Variants in PKHD1 observed in about 807,000 individuals in gnomAD.
PKHD1 encodes fibrocystin.
A neutral mutation model predicts 412.0 loss-of-function variants in PKHD1; 291 were observed. The observed-to-expected ratio is 0.71, with a 90% confidence interval of 0.64 to 0.78. The LOEUF (loss-of-function observed/expected upper bound fraction) is 0.78, where lower values mean the gene tolerates loss of function less well. Among genes scored for constraint, PKHD1 ranks in the 30% least tolerant of loss-of-function variants. PKHD1 has a pLI of 0.00. For missense variants in PKHD1, 4,825 were observed against 4,950.7 expected, an observed-to-expected ratio of 0.97 and a Z score of 0.76; for synonymous variants, 1,777 against 1,821.5, an observed-to-expected ratio of 0.98 and a Z score of 0.62.
At chr6:52,070,044 C>A (rs1810366757) in intron 10 of PKHD1, among the ~76,000 whole-genome samples, 1 of 152,086 alleles carries the variant, frequency 6.6e-6, no homozygotes, top group Non-Finnish European at 1.5e-5. Context: ...AATGTGGACC[C>A]CTTCCATTTT....
At chr6:52,002,322 T>G (rs1180894466) in intron 35 of PKHD1, among the ~76,000 whole-genome samples, 6 of 152,198 alleles carry the variant, frequency 3.9e-5, no homozygotes, top group African/African-American at 1.4e-4. Flanking sequence ...ACAGGGACAT[T>G]GCTGGAATTA....
At chr6:52,087,396 A>C (rs1298683525) in intron 1 of PKHD1, 38 bp downstream of exon 1, 1 of 152,200 alleles carries the variant, frequency 6.6e-6, no homozygotes, top group Non-Finnish European at 1.5e-5. Flanking sequence ...CAACACCTAG[A>C]AAACAGAGAG....
chr6:51,918,716 G>A (rs1583363599), intron 37 of PKHD1, among the ~76,000 whole-genome samples: 1 of 152,168 alleles, frequency 6.6e-6, no homozygotes, highest in South Asian at 2.1e-4. Context: ...ACCCAGTAAT[G>A]GGATTGCTGG....
Position 52,055,667 on chromosome 6 carries a change from A to T in PKHD1, c.1756T>A (p.Phe586Ile). 6.3e-7 allele frequency: 1 copy of T among 1,598,316 alleles called. No individual in the cohort carries two copies. Among genetic ancestry groups the T allele is most frequent in the South Asian group, 1.1e-5 (1 of 89,858 alleles). Reference sequence around the variant, plus strand: ...AGGTGTCGAGGCTGACGGAGGCTGAACCTGCCACAGAAGGGCTCCGTCCCA... The same window carrying T: ...AGGTGTCGAGGCTGACGGAGGCTGATCCTGCCACAGAAGGGCTCCGTCCCA... ...TSGTEPFCGR[F>I]SLRQPRHLVL... is the part of the protein sequence containing the mutation. Residue 586 changes from phenylalanine (F) to isoleucine (I), a missense_variant, in exon 19 of 67, where the codon TTC becomes ATC. Phe to Ile is a conservative substitution (Grantham distance 21). Transcript: ENST00000371117.
chr6:51,744,586 C>G (rs368439911), intron 59 of PKHD1, 44 bp from the exon 60 acceptor site: 1 of 1,516,402 alleles, frequency 6.6e-7, no homozygotes, highest in Non-Finnish European at 9.2e-7. Context: ...TCATGATAAG[C>G]AGCAAGAAGA....
chr6:51,776,992 C>T (rs34292854), intron 53 of PKHD1, among the ~76,000 whole-genome samples: 27,993 of 151,886 alleles, frequency 0.18, 3,384 homozygotes, highest in African/African-American at 0.34. Context: ...TACAAAAATA[C>T]TAAAGTTATT....
intron 36 of PKHD1, among the ~76,000 whole-genome samples, chr6:51,936,861 T>G (rs1409084501): frequency 6.6e-6 from 1 of 152,144 alleles, no homozygotes; most frequent in Non-Finnish European, 1.5e-5. Flanking sequence ...TAGCCGGCCC[T>G]GAAAGAAACT....
chr6:51,861,410 T>C (rs1774168967), intron 48 of PKHD1, among the ~76,000 whole-genome samples: 1 of 152,206 alleles, frequency 6.6e-6, no homozygotes, highest in African/African-American at 2.4e-5. Flanking sequence ...TGCTCTTGAT[T>C]TGGAACAGTT....
Position 51,648,021 on chromosome 6 carries a change from C to G in PKHD1, c.11398+10G>C. The G allele has an allele frequency of 6.7e-7, 1 of 1,496,604 alleles. No individual in the cohort carries two copies. The highest frequency in any genetic ancestry group is 9.3e-7 in the Non-Finnish European group (1 of 1,072,626). The allele number at this position is 1,496,604 out of a possible 1,614,324, so 92.7% of individuals were successfully genotyped here. On this transcript the variant is annotated intron_variant, in intron 63 of 66. Transcript: ENST00000371117. Reference sequence around the variant, plus strand: ...AACAGATATCTGAAATTTACAGATACTTTACCTACCTTTTAGCACTGAGTC... The same window carrying G: ...AACAGATATCTGAAATTTACAGATAGTTTACCTACCTTTTAGCACTGAGTC...
chr6:51,680,517 T>C (rs1203898924), intron 60 of PKHD1, among the ~76,000 whole-genome samples: 1 of 152,094 alleles, frequency 6.6e-6, no homozygotes, highest in African/African-American at 2.4e-5. Flanking sequence ...TAAATCTTAG[T>C]CCAGGTATAT....
intron 28 of PKHD1, among the ~76,000 whole-genome samples, chr6:52,034,048 G>C (rs769881411): frequency 4.6e-5 from 7 of 151,984 alleles, no homozygotes; most frequent in Non-Finnish European, 7.4e-5. Flanking sequence ...AGAATCACTT[G>C]AACCCGGGAG....
chr6:51,860,701 A>C (rs1009117548), intron 48 of PKHD1, among the ~76,000 whole-genome samples: 6 of 152,166 alleles, frequency 3.9e-5, no homozygotes, highest in African/African-American at 1.4e-4. Context: ...CATCAGCAAC[A>C]GCTCCTCCTG....
At position 51,748,169 on chromosome 6, in the gene PKHD1, A is replaced by G; in HGVS notation, c.9447T>C (p.Ala3149=). Residue 3149 remains alanine, a synonymous_variant, in exon 58 of 67, where the codon GCT becomes GCC. Transcript: ENST00000371117. ...TGGCACCATAGTCAAAGTTCTTGAAAGCCAAGAAGCCAGAGATTCTGGTAC... is the reference window on the plus strand; with the variant it reads ...TGGCACCATAGTCAAAGTTCTTGAAGGCCAAGAAGCCAGAGATTCTGGTAC... ...DNCTRISGFL[A]FKNFDYGAML... 6.2e-7 allele frequency: 1 copy of G among 1,614,130 alleles called. No homozygotes were observed. The highest frequency in any genetic ancestry group is 8.5e-7 in the Non-Finnish European group (1 of 1,179,984).
chr6:51,650,162 C>A (rs995463823), intron 61 of PKHD1, among the ~76,000 whole-genome samples: 2 of 152,064 alleles, frequency 1.3e-5, no homozygotes, highest in South Asian at 4.1e-4. Context: ...CATGACTTAG[C>A]AACAAAATGG....
chr6:51,821,015 C>T (rs969011040), intron 52 of PKHD1, among the ~76,000 whole-genome samples: 3 of 152,154 alleles, frequency 2.0e-5, no homozygotes, highest in Non-Finnish European at 4.4e-5. Flanking sequence ...TAAAAACTCC[C>T]ACGGGCAGCT....
chr6:51,730,960 A>G (rs564419715), intron 60 of PKHD1, among the ~76,000 whole-genome samples: 1 of 152,278 alleles, frequency 6.6e-6, no homozygotes, highest in South Asian at 2.1e-4. Context: ...TCACTCTGTC[A>G]CCCACGCTGG....
intron 52 of PKHD1, among the ~76,000 whole-genome samples, chr6:51,791,876 T>C (rs1793813715): frequency 6.6e-6 from 1 of 152,204 alleles, no homozygotes. Context: ...AAACAACTGT[T>C]TCGTTCACAG....
At chr6:51,947,164 C>A (rs1448191256) in intron 36 of PKHD1, among the ~76,000 whole-genome samples, 1 of 152,210 alleles carries the variant, frequency 6.6e-6, no homozygotes, top group African/African-American at 2.4e-5. Flanking sequence ...TGGTGAATCT[C>A]AGGCTCAATG....
chr6:51,734,224 C>T (rs1301309236), intron 60 of PKHD1, among the ~76,000 whole-genome samples: 1 of 152,102 alleles, frequency 6.6e-6, no homozygotes, highest in Non-Finnish European at 1.5e-5. Context: ...TATTTTAATA[C>T]ACATGGTGGT....
Sources: allele counts gnomAD v4.1 joint callset (sites outside exome capture counted in the v4.1 genomes callset), GRCh38; gene constraint gnomAD v4.1.1; transcripts MANE v1.5; gene names NCBI Gene and HGNC (gene_info 2026-07-23, HGNC 2026-07-21).